HDAC8: variants seen among roughly 807,000 people sequenced by gnomAD.
HDAC8 encodes the protein histone deacetylase-like 1.
HDAC8 carries 1 observed loss-of-function variant against 32.2 expected under a neutral mutation model. The observed-to-expected ratio is 0.03, with a 90% CI of 0.01 to 0.15. The LOEUF (loss-of-function observed/expected upper bound fraction) is 0.15, where lower values mean the gene tolerates loss of function less well. Ranked by LOEUF, HDAC8 falls within the 10% of genes least tolerant of loss-of-function variation. HDAC8 has a pLI of 1.00. For missense variants in HDAC8, 117 were observed against 300.0 expected (o/e 0.39, Z 4.51); for synonymous variants, 108 against 113.9 (o/e 0.95, Z 0.33).
At chrX:72,354,116 G>T (rs1194942621) in intron 9 of HDAC8, among the ~76,000 whole-genome samples, 1 of 112,373 alleles carries the variant, frequency 8.9e-6, no homozygotes, top group Non-Finnish European at 1.9e-5. Flanking sequence ...CTGGGATTAA[G>T]CCTGTTGTCC....
chrX:72,431,775 T>C (rs189399247), intron 9 of HDAC8, among the ~76,000 whole-genome samples: 1 of 112,128 alleles, frequency 8.9e-6, no homozygotes, highest in East Asian at 2.8e-4. Context: ...CAGCATTCTC[T>C]CCATCTTTTA....
chrX:72,367,425 CAT>C (rs2044735581), intron 9 of HDAC8, among the ~76,000 whole-genome samples: 1 of 112,080 alleles, frequency 8.9e-6, no homozygotes, highest in African/African-American at 3.2e-5. Context: ...TCAAATGGGG[CAT>C]GAGTTCCCAC....
intron 10 of HDAC8, among the ~76,000 whole-genome samples, chrX:72,349,133 T>C (rs945221159): frequency 1.8e-5 from 2 of 112,496 alleles, no homozygotes; most frequent in Non-Finnish European, 3.8e-5. Context: ...TGGGTCCAGC[T>C]CTATGCCTTG....
chrX:72,540,489 A>G (rs920874065), intron 4 of HDAC8, among the ~76,000 whole-genome samples: 2 of 110,764 alleles, frequency 1.8e-5, no homozygotes, highest in Admixed American at 1.9e-4. Flanking sequence ...CGGAGAACAT[A>G]CTTGATTTAA....
chrX:72,458,329 A>G (rs1250478122), intron 9 of HDAC8, among the ~76,000 whole-genome samples: 1 of 112,540 alleles, frequency 8.9e-6, no homozygotes, highest in African/African-American at 3.2e-5. Context: ...CACTGGCTTT[A>G]TGGTATCACC....
At position 72,445,579 on chromosome X, in the gene HDAC8, C is replaced by A. The variant is rs183509704; in HGVS notation, c.1005+16425G>T. On this transcript the variant is annotated intron_variant, in intron 9 of 10. Coordinates refer to ENST00000373573, the MANE Select transcript of HDAC8 (RefSeq NM_018486.3). Reference sequence around the variant, plus strand: ...ATGTTAGAGCTAAAACCATAAAAACCCTAGAGGAAAACCTAGGCATTACCA... The same window carrying A: ...ATGTTAGAGCTAAAACCATAAAAACACTAGAGGAAAACCTAGGCATTACCA... Among the ~76,000 whole-genome samples the A allele has an allele frequency of 2.8e-3, 314 of 111,718 alleles. 2 individuals are homozygous for A. Among genetic ancestry groups the A allele is most frequent in the African/African-American group, 9.8e-3 (303 of 30,792 alleles).
In HDAC8 at chrX:72,474,178, G is replaced by A. The variant is rs1464820250; in HGVS notation, c.738-9447C>T. On this transcript the variant is annotated intron_variant, in intron 7 of 10. Coordinates refer to ENST00000373573, the MANE Select transcript of HDAC8 (RefSeq NM_018486.3). ...GATCAAATGTTACCTCCTCAATTAC[G>A]CCTTTTTCTGAAGTATTTTCTCTCT... The A allele has an allele frequency of 3.1e-5, 23 of 748,453 alleles. No individual in the cohort carries two copies. The Admixed American group carries it at 3.5e-4, about 11-fold the overall frequency. The allele number at this position is 748,453 out of a possible 1,213,427, so 61.7% of individuals were successfully genotyped here. A position where few individuals can be genotyped will look rare whatever the true frequency, so the allele number is the denominator to read the frequency against.
intron 7 of HDAC8, among the ~76,000 whole-genome samples, chrX:72,483,880 C>T (rs2048588102): frequency 8.9e-6 from 1 of 111,796 alleles, no homozygotes; most frequent in African/African-American, 3.3e-5. Context: ...AAAGATTCTA[C>T]CCAGGAATAA....
intron 9 of HDAC8, among the ~76,000 whole-genome samples, chrX:72,426,795 C>A (rs2046651469): frequency 9.1e-6 from 1 of 110,246 alleles, no homozygotes; most frequent in Non-Finnish European, 1.9e-5. Flanking sequence ...AAGCCCTAAC[C>A]CCCACTGTGA....
intron 4 of HDAC8, among the ~76,000 whole-genome samples, chrX:72,536,462 A>C (rs1204946076): frequency 1.8e-5 from 2 of 112,201 alleles, no homozygotes; most frequent in African/African-American, 6.5e-5. Context: ...CCAAAGTTTT[A>C]ACTATTGTAA....
intron 4 of HDAC8, among the ~76,000 whole-genome samples, chrX:72,497,010 T>C (rs1434423376): frequency 1.8e-5 from 2 of 111,504 alleles, no homozygotes; most frequent in African/African-American, 3.3e-5. Context: ...AGGACCACAT[T>C]GCCCTGGCAT....
At chrX:72,553,379 T>C (rs1556080347) in intron 4 of HDAC8, among the ~76,000 whole-genome samples, 2 of 111,666 alleles carry the variant, frequency 1.8e-5, no homozygotes, top group Non-Finnish European at 3.8e-5. Context: ...ATAATATCCC[T>C]TCAAGTGGAT....
chrX:72,563,705 A>T (rs2147568287), intron 4 of HDAC8, among the ~76,000 whole-genome samples: 1 of 111,503 alleles, frequency 9.0e-6, no homozygotes, highest in East Asian at 2.8e-4. Context: ...ACTGATAAAT[A>T]CCTTCATGAA....
chrX:72,406,484 G>C (rs1375259134), intron 9 of HDAC8, among the ~76,000 whole-genome samples: 1 of 111,697 alleles, frequency 9.0e-6, no homozygotes, highest in Admixed American at 9.5e-5. Context: ...TCCTGCTTCA[G>C]CCTCCCAAAG....
chrX:72,427,602 T>TGGG (rs58102359), intron 9 of HDAC8, among the ~76,000 whole-genome samples: 2 of 32,968 alleles, frequency 6.1e-5, no homozygotes, highest in Non-Finnish European at 2.3e-4. Flanking sequence ...TGTTGTGGGG[T>TGGG]GGGGGGGGGG....
chrX:72,404,142 C>G (rs1210343503), intron 9 of HDAC8, among the ~76,000 whole-genome samples: 1 of 110,335 alleles, frequency 9.1e-6, no homozygotes, highest in Admixed American at 9.6e-5. Flanking sequence ...CTATATGTTC[C>G]ATTTCTACCA....
chrX:72,338,833 G>A (rs1169456033), intron 10 of HDAC8, among the ~76,000 whole-genome samples: 1 of 105,963 alleles, frequency 9.4e-6, no homozygotes, highest in Non-Finnish European at 1.9e-5. Flanking sequence ...AGGATCCCTT[G>A]AGCCCAGGAG....
At chrX:72,433,301 A>C (rs2046867756) in intron 9 of HDAC8, among the ~76,000 whole-genome samples, 1 of 111,282 alleles carries the variant, frequency 9.0e-6, no homozygotes. Flanking sequence ...CCTATAATGC[A>C]TAGAACAGTC....
chrX:72,373,768 C>A (rs1293325990), intron 9 of HDAC8, among the ~76,000 whole-genome samples: 2 of 111,973 alleles, frequency 1.8e-5, no homozygotes, highest in South Asian at 7.4e-4. Flanking sequence ...AGGGAACTGC[C>A]GTGCTGTTTT....
Sources: allele counts gnomAD v4.1 joint callset (sites outside exome capture counted in the v4.1 genomes callset), GRCh38; gene constraint gnomAD v4.1.1; transcripts MANE v1.5; gene names NCBI Gene and HGNC (gene_info 2026-07-23, HGNC 2026-07-21).